Variants in MAGED1 observed in about 807,000 individuals in gnomAD.
MAGED1 encodes MAGE family member D1, also known as melanoma-associated antigen D1.
Under a neutral mutation model 54.1 loss-of-function variants are expected in MAGED1, and 3 were observed. That is an observed-to-expected ratio of 0.06 (90% CI 0.03 to 0.14). The LOEUF is 0.14. Among genes scored for constraint, MAGED1 ranks in the 10% least tolerant of loss-of-function variants. MAGED1 has a pLI of 1.00. For synonymous variants in MAGED1, 217 were observed against 227.3 expected (o/e 0.95, Z 0.41); for missense variants, 485 against 623.4 (o/e 0.78, Z 2.36).
At chrX:51,892,923 G>A (rs1286543290), upstream of MAGED1, among the ~76,000 whole-genome samples, 1 of 111,279 alleles carries the variant, frequency 9.0e-6, no homozygotes, top group Non-Finnish European at 1.9e-5. Flanking sequence ...GCTGTGACAG[G>A]AAGACAAGCC....
At chrX:51,840,883 T>C (rs368785770) in intron 1 of MAGED1, among the ~76,000 whole-genome samples, 3 of 110,666 alleles carry the variant, frequency 2.7e-5, no homozygotes, top group Non-Finnish European at 3.8e-5. Context: ...TGAATAGTGC[T>C]GCAATAAACA....
At chrX:51,877,509 TC>T (rs1557362117) in intron 1 of MAGED1, among the ~76,000 whole-genome samples, 1 of 111,232 alleles carries the variant, frequency 9.0e-6, no homozygotes, top group Non-Finnish European at 1.9e-5. Flanking sequence ...AACTAGTAAT[TC>T]CATTTCTAAT....
At chrX:51,894,228 A>G in intron 1 of MAGED1, 41 bp from the exon 2 acceptor site, 1 of 826,004 alleles carries the variant, frequency 1.2e-6, no homozygotes, top group Non-Finnish European at 1.8e-6. Context: ...GGTCCTTCGT[A>G]TTTGCCCTCT....
At chrX:51,812,654 C>T (rs1925263952) in intron 1 of MAGED1, among the ~76,000 whole-genome samples, 1 of 111,805 alleles carries the variant, frequency 8.9e-6, no homozygotes, top group Non-Finnish European at 1.9e-5. Flanking sequence ...TGTATTCATT[C>T]ATCAGATTGT....
rs148038224 is a variant in MAGED1 at position 51,897,048 on chromosome X, C to T, written c.1393C>T (p.Pro465Ser). 60 of 1,210,216 alleles carry T rather than the reference C, an allele frequency of 5.0e-5. No homozygotes were observed. The African/African-American group carries it at 9.4e-4, about 19-fold the overall frequency. The change falls in exon 4 of 13, where the codon CCC becomes TCC. Residue 465 changes from proline to serine, a missense_variant. Physicochemically the swap from Pro to Ser is moderately conservative, Grantham distance 74 (BLOSUM62 -1). Transcript: ENST00000326587. Reference sequence around the variant, plus strand: ...CTCACAGAACCCAGGTGCTGCACAGCCCCGAGATGTGGCCCTTCTTCAGGA... The same window carrying T: ...CTCACAGAACCCAGGTGCTGCACAGTCCCGAGATGTGGCCCTTCTTCAGGA... ...RASQNPGAAQ[P>S]RDVALLQERA...
intron 1 of MAGED1, among the ~76,000 whole-genome samples, chrX:51,827,085 G>A (rs1925876536): frequency 9.0e-6 from 1 of 111,451 alleles, no homozygotes; most frequent in Non-Finnish European, 1.9e-5. Context: ...AAAAGATATG[G>A]TGGAATCATA....
intron 1 of MAGED1, among the ~76,000 whole-genome samples, chrX:51,865,473 C>T (rs1814705251): frequency 9.0e-6 from 1 of 111,610 alleles, no homozygotes; most frequent in Admixed American, 9.5e-5. Flanking sequence ...GGGAAATTTT[C>T]TTCTATCATT....
At chrX:51,841,717 G>T (rs371645782) in intron 1 of MAGED1, among the ~76,000 whole-genome samples, 3 of 110,982 alleles carry the variant, frequency 2.7e-5, no homozygotes, top group East Asian at 5.7e-4. Flanking sequence ...GCTTGTTTTT[G>T]TCAGGTTTGT....
chrX:51,862,217 TTGGACTC>T lies in MAGED1; in HGVS notation c.-36-32047_-36-32041del, dbSNP rs782561090. Among the ~76,000 whole-genome samples, 10 of 111,570 alleles carry T rather than the reference TTGGACTC, an allele frequency of 9.0e-5. 1 individual carries two copies. The highest frequency in any genetic ancestry group is 3.3e-4 in the African/African-American group (10 of 30,714). On this transcript the variant is annotated intron_variant, in intron 1 of 12. Coordinates refer to the MAGED1 transcript ENST00000375772. ...TCTTTCAGTTTGTATGTTTTTGTACTTGGACTCTGGAAAGTTTTATTATTTCTTGGAT... is the reference window on the plus strand; with the variant it reads ...TCTTTCAGTTTGTATGTTTTTGTACTTGGAAAGTTTTATTATTTCTTGGAT...
chrX:51,818,003 CA>C (rs1249016575), intron 1 of MAGED1, among the ~76,000 whole-genome samples: 2 of 111,902 alleles, frequency 1.8e-5, no homozygotes, highest in African/African-American at 6.5e-5. Context: ...TCCCCTCCAA[CA>C]AGAGGTTCTA....
chrX:51,901,847 G>T lies in MAGED1; in HGVS notation c.2254G>T (p.Gly752Cys), dbSNP rs782050057. ...ARSRFPQTFA[G>C]PIIGPGGTAS... ...CTCCAGATTCCCTCAGACCTTTGCCGGTCCCATTATTGGTCCTGGTGGTAC... is the reference window on the plus strand; with the variant it reads ...CTCCAGATTCCCTCAGACCTTTGCCTGTCCCATTATTGGTCCTGGTGGTAC... The change falls in exon 12 of 13, where the codon GGT becomes TGT. Residue 752 changes from glycine (G) to cysteine (C), a missense_variant. This residue lies in a region of MAGED1 where 186 missense variants were observed against 330.3 expected (regional missense o/e 0.56). Transcript: ENST00000326587. The T allele has an allele frequency of 8.3e-7, 1 of 1,211,193 alleles. No individual in the cohort carries two copies.
chrX:51,822,037 G>A (rs1925656584), intron 1 of MAGED1, among the ~76,000 whole-genome samples: 1 of 111,407 alleles, frequency 9.0e-6, no homozygotes, highest in Admixed American at 9.5e-5. Context: ...TGGTCTGTAG[G>A]TTTCTTTTCT....
At chrX:51,822,711 G>A (rs1285175826) in intron 1 of MAGED1, among the ~76,000 whole-genome samples, 2 of 110,632 alleles carry the variant, frequency 1.8e-5, no homozygotes, top group African/African-American at 6.6e-5. Context: ...CTTTTTATAC[G>A]TGTCTGAATT....
At position 51,824,862 on chromosome X, in the gene MAGED1, C is replaced by CTGTGTGTG. The variant is rs58934297; in HGVS notation, c.-37+21777_-37+21784dup. Among the ~76,000 whole-genome samples, 721 of 72,624 alleles carry CTGTGTGTG rather than the reference C, an allele frequency of 9.9e-3. 19 individuals carry two copies. The highest frequency in any genetic ancestry group is 0.034 in the African/African-American group (645 of 19,137). The allele number at this position is 72,624 out of a possible 115,157, so 63.1% of individuals were successfully genotyped here. ...CACAGACACACACAGTCTCAGAAACCTGTGTGTGTGTGTGTGTGTGTGTGT... is the reference window on the plus strand; with the variant it reads ...CACAGACACACACAGTCTCAGAAACCTGTGTGTGTGTGTGTGTGTGTGTGTGTGTGTGT... On this transcript the variant is annotated intron_variant, in intron 1 of 12. Coordinates refer to the MAGED1 transcript ENST00000375772.
intron 3 of MAGED1, 118 bp downstream of exon 3, chrX:51,895,878 T>C: frequency 1.8e-6 from 1 of 559,738 alleles, no homozygotes; most frequent in Non-Finnish European, 2.8e-6. Context: ...TATAGGGCAT[T>C]TGAAGAGAAT....
chrX:51,861,413 A>G (rs1276308398), intron 1 of MAGED1, among the ~76,000 whole-genome samples: 1 of 111,844 alleles, frequency 8.9e-6, no homozygotes, highest in Non-Finnish European at 1.9e-5. Context: ...GTTTTTATCT[A>G]AATACCATTA....
At chrX:51,810,696 C>G (rs181343041) in intron 1 of MAGED1, among the ~76,000 whole-genome samples, 68 of 111,477 alleles carry the variant, frequency 6.1e-4, no homozygotes, top group African/African-American at 2.1e-3. Flanking sequence ...TATAGGAGCA[C>G]AGAGAGGACA....
chrX:51,894,624 C>G, intron 2 of MAGED1: 1 of 1,186,984 alleles, frequency 8.4e-7, no homozygotes, highest in Admixed American at 2.4e-5. Flanking sequence ...TTTTTTTTTC[C>G]AGAATCCTGA....
At chrX:51,858,623 A>G (rs782467975) in intron 1 of MAGED1, among the ~76,000 whole-genome samples, 1 of 112,005 alleles carries the variant, frequency 8.9e-6, no homozygotes, top group South Asian at 3.7e-4. Flanking sequence ...GGGATTGGCC[A>G]GGATAGCTTC....
Sources: allele counts gnomAD v4.1 joint callset (sites outside exome capture counted in the v4.1 genomes callset), GRCh38; gene constraint gnomAD v4.1.1; regional missense constraint gnomAD v4.1.1; transcripts MANE v1.5; gene names NCBI Gene and HGNC (gene_info 2026-07-23, HGNC 2026-07-21).